Variants in DMD observed in about 807,000 individuals in gnomAD.
DMD encodes the protein mutant dystrophin.
DMD carries 63 observed loss-of-function variants against 330.1 expected under a neutral mutation model. That is an observed-to-expected ratio of 0.19 (90% CI 0.16 to 0.24). The LOEUF is 0.24. Ranked by LOEUF, DMD falls within the 10% of genes least tolerant of loss-of-function variation. DMD has a pLI of 1.00. For synonymous variants in DMD, 1,223 were observed against 959.8 expected, an observed-to-expected ratio of 1.27 and a Z score of -5.07; for missense variants, 3,344 against 2,684.1, an observed-to-expected ratio of 1.25 and a Z score of -5.43.
At chrX:31,670,136 T>C (rs909690171) in intron 53 of DMD, among the ~76,000 whole-genome samples, 8 of 111,980 alleles carry the variant, frequency 7.1e-5, no homozygotes, top group Non-Finnish European at 1.1e-4. Context: ...ATTTTGTATA[T>C]TGATCTTGTA....
intron 10 of DMD, 24 bp downstream of exon 10, chrX:32,644,940 T>C: frequency 8.3e-7 from 1 of 1,204,341 alleles, no homozygotes; most frequent in Non-Finnish European, 1.1e-6. Context: ...ATGTTTTGTT[T>C]TGTAAATTAA....
intron 43 of DMD, among the ~76,000 whole-genome samples, chrX:32,285,152 G>T (rs768800914): frequency 8.9e-6 from 1 of 112,313 alleles, no homozygotes; most frequent in African/African-American, 3.2e-5. Flanking sequence ...AAAACTGGTA[G>T]GTGTATATAG....
At chrX:32,156,063 A>G (rs398124025) in intron 44 of DMD, among the ~76,000 whole-genome samples, 10 of 111,245 alleles carry the variant, frequency 9.0e-5, no homozygotes, top group Non-Finnish European at 1.9e-4. Context: ...GAGTTAAAAT[A>G]AAGTGTGCTA....
chrX:32,418,892 G>T (rs2098177050), intron 29 of DMD, among the ~76,000 whole-genome samples: 1 of 99,628 alleles, frequency 1.0e-5, no homozygotes, highest in Admixed American at 1.2e-4. Context: ...AGAATGGTGT[G>T]AACCCGGGAG....
chrX:31,966,893 A>G (rs1234547678), intron 45 of DMD, among the ~76,000 whole-genome samples: 1 of 110,840 alleles, frequency 9.0e-6, no homozygotes, highest in Non-Finnish European at 1.9e-5. Flanking sequence ...ATAGGAAACA[A>G]TACTTTATAT....
At chrX:31,134,219 T>C (rs1186623941) in intron 76 of DMD, 25 bp from the exon 77 acceptor site, 3 of 1,139,363 alleles carry the variant, frequency 2.6e-6, no homozygotes, top group Non-Finnish European at 1.2e-6. Flanking sequence ...AAACAAATAA[T>C]GGAAAATTAC....
chrX:32,826,056 A>G (rs926779089), intron 4 of DMD, among the ~76,000 whole-genome samples: 4 of 111,864 alleles, frequency 3.6e-5, no homozygotes, highest in African/African-American at 1.3e-4. Context: ...ACATTTCTCA[A>G]AAGAAGACAA....
intron 67 of DMD, among the ~76,000 whole-genome samples, chrX:31,183,870 A>T (rs1270524461): frequency 1.4e-5 from 1 of 72,538 alleles, no homozygotes; most frequent in African/African-American, 6.4e-5. Context: ...CCTTTTTTTA[A>T]AAAAAAAATC....
At chrX:33,132,312 A>T (rs1264476255) in intron 1 of DMD, among the ~76,000 whole-genome samples, 1 of 111,875 alleles carries the variant, frequency 8.9e-6, no homozygotes, top group Non-Finnish European at 1.9e-5. Flanking sequence ...AGAATTGTCC[A>T]ACTATTCCTT....
intron 37 of DMD, among the ~76,000 whole-genome samples, chrX:32,351,935 C>CACA (rs2097783051): frequency 1.8e-5 from 2 of 110,645 alleles, no homozygotes; most frequent in African/African-American, 6.5e-5. Context: ...GAAACTTAGA[C>CACA]TTCTTTAGTT....
At chrX:31,125,238 C>T (rs1159284572) in intron 78 of DMD, among the ~76,000 whole-genome samples, 6 of 111,611 alleles carry the variant, frequency 5.4e-5, no homozygotes, top group African/African-American at 2.0e-4. Flanking sequence ...GTCTCACATA[C>T]GAAGTACATG....
intron 64 of DMD, among the ~76,000 whole-genome samples, chrX:31,213,187 G>T (rs941925827): frequency 8.9e-6 from 1 of 112,484 alleles, no homozygotes; most frequent in African/African-American, 3.2e-5. Flanking sequence ...TGCAGTAAGG[G>T]TTAATTCCAG....
chrX:33,069,953 C>T (rs1203039555), intron 1 of DMD, among the ~76,000 whole-genome samples: 2 of 111,659 alleles, frequency 1.8e-5, no homozygotes, highest in Non-Finnish European at 3.8e-5. Context: ...ATCATTTGAG[C>T]TCAAGCCATA....
intron 1 of DMD, among the ~76,000 whole-genome samples, chrX:33,163,552 G>GTGTATATATATATATACATA (rs1247410085): frequency 3.6e-4 from 33 of 91,003 alleles, no homozygotes; most frequent in African/African-American, 1.2e-3. Flanking sequence ...ATATATGTGT[G>GTGTATATATATATATACATA]TATATATATA....
chrX:31,661,270 T>C (rs1245040667), intron 53 of DMD, among the ~76,000 whole-genome samples: 1 of 112,084 alleles, frequency 8.9e-6, no homozygotes, highest in East Asian at 2.8e-4. Context: ...TGTGAGGATG[T>C]AGGATTAAAA....
At chrX:33,102,866 C>T (rs1603284515) in intron 1 of DMD, among the ~76,000 whole-genome samples, 1 of 112,032 alleles carries the variant, frequency 8.9e-6, no homozygotes, top group East Asian at 2.8e-4. Context: ...GAAAAACTTA[C>T]TTGATGTTTA....
At chrX:31,775,925 A>C (rs1163833581) in intron 50 of DMD, among the ~76,000 whole-genome samples, 1 of 112,200 alleles carries the variant, frequency 8.9e-6, no homozygotes. Flanking sequence ...AGAATAAAAA[A>C]ATTTGTGTCA....
At chrX:31,567,385 T>C (rs1482390352) in intron 55 of DMD, among the ~76,000 whole-genome samples, 1 of 111,122 alleles carries the variant, frequency 9.0e-6, no homozygotes, top group African/African-American at 3.3e-5. Context: ...ATGTGGAAGT[T>C]ATCCTCTATT....
At chrX:31,966,820 TAG>T (rs1259083169) in intron 45 of DMD, among the ~76,000 whole-genome samples, 3 of 110,828 alleles carry the variant, frequency 2.7e-5, no homozygotes, top group South Asian at 7.5e-4. Flanking sequence ...TCAGGTGAAT[TAG>T]AGTTATCAGA....
Sources: allele counts gnomAD v4.1 joint callset (sites outside exome capture counted in the v4.1 genomes callset), GRCh38; gene constraint gnomAD v4.1.1; transcripts MANE v1.5; gene names NCBI Gene and HGNC (gene_info 2026-07-23, HGNC 2026-07-21).